Variants in PDE10A observed in about 807,000 individuals in gnomAD.
PDE10A encodes cAMP and cAMP-inhibited cGMP 3',5'-cyclic phosphodiesterase 10A.
A neutral mutation model predicts 97.7 loss-of-function variants in PDE10A; 39 were observed. The ratio of observed to expected loss-of-function variants is 0.40; its 90% CI spans 0.31 to 0.52. The LOEUF (loss-of-function observed/expected upper bound fraction) is 0.52. PDE10A is among the 20% of genes least tolerant of loss of function. The pLI is 0.56. For missense variants in PDE10A, 731 were observed against 1,047.8 expected, an observed-to-expected ratio of 0.70 and a Z score of 4.17; for synonymous variants, 371 against 376.8, an observed-to-expected ratio of 0.98 and a Z score of 0.18.
At chr6:165,800,254 T>G (rs558149762) in intron 1 of PDE10A, among the ~76,000 whole-genome samples, 2 of 152,336 alleles carry the variant, frequency 1.3e-5, no homozygotes, top group East Asian at 1.9e-4. Context: ...GTTCTTTTCA[T>G]GATGATTGTT....
intron 1 of PDE10A, among the ~76,000 whole-genome samples, chr6:165,943,254 G>GAAAGAAA (rs1562809863): frequency 1.4e-5 from 1 of 71,732 alleles, no homozygotes; most frequent in African/African-American, 7.6e-5. Context: ...AAGGAAGGAA[G>GAAAGAAA]GAAGGAAGGA....
intron 3 of PDE10A, among the ~76,000 whole-genome samples, chr6:165,481,029 C>T (rs1779577902): frequency 6.6e-6 from 1 of 152,148 alleles, no homozygotes; most frequent in Non-Finnish European, 1.5e-5. Flanking sequence ...CATAAAGTTT[C>T]ATCATTTTTT....
intron 1 of PDE10A, among the ~76,000 whole-genome samples, chr6:165,851,606 T>C (rs1457836141): frequency 6.6e-6 from 1 of 152,164 alleles, no homozygotes; most frequent in Non-Finnish European, 1.5e-5. Flanking sequence ...TAGATTACTT[T>C]GGGTGTTCAG....
chr6:165,597,975 A>T (rs1219572896), intron 1 of PDE10A, among the ~76,000 whole-genome samples: 1 of 152,234 alleles, frequency 6.6e-6, no homozygotes, highest in African/African-American at 2.4e-5. Context: ...CTTGTGAACG[A>T]AACAGGGCAA....
intron 1 of PDE10A, chr6:165,894,198 C>T (rs776920142): frequency 9.4e-5 from 39 of 414,578 alleles, no homozygotes; most frequent in Non-Finnish European, 1.7e-4. Context: ...GAGTGCTTTC[C>T]GAAGGAGAGC....
intron 1 of PDE10A, among the ~76,000 whole-genome samples, chr6:165,799,658 GTCT>G (rs1380164661): frequency 6.6e-6 from 1 of 152,064 alleles, no homozygotes; most frequent in Non-Finnish European, 1.5e-5. Context: ...GTTTCCAATC[GTCT>G]TCTTAAGTAG....
intron 18 of PDE10A, among the ~76,000 whole-genome samples, chr6:165,362,719 G>A (rs961074743): frequency 6.6e-6 from 1 of 152,068 alleles, no homozygotes; most frequent in Admixed American, 6.5e-5. Context: ...AATTCCATGA[G>A]GCCAGTGTTA....
chr6:165,864,041 G>A (rs1215421607), intron 1 of PDE10A, among the ~76,000 whole-genome samples: 1 of 152,194 alleles, frequency 6.6e-6, no homozygotes, highest in African/African-American at 2.4e-5. Flanking sequence ...GGCTGTGGGA[G>A]CGTAGGTTGG....
intron 2 of PDE10A, among the ~76,000 whole-genome samples, chr6:165,532,472 G>C (rs1293846943): frequency 6.6e-6 from 1 of 151,940 alleles, no homozygotes; most frequent in Admixed American, 6.6e-5. Context: ...TAAAAGGAAA[G>C]GGCAATGTAC....
At chr6:165,769,718 C>T (rs754475999) in intron 1 of PDE10A, among the ~76,000 whole-genome samples, 1 of 152,100 alleles carries the variant, frequency 6.6e-6, no homozygotes, top group Non-Finnish European at 1.5e-5. Flanking sequence ...AACAAAGGCA[C>T]GCATCTGACA....
intron 13 of PDE10A, among the ~76,000 whole-genome samples, chr6:165,405,077 G>A (rs1488196872): frequency 1.6e-5 from 2 of 127,348 alleles, no homozygotes; most frequent in Non-Finnish European, 3.4e-5. Context: ...AAAGCACTGG[G>A]AACAAATTAA....
At position 165,971,342 on chromosome 6, in the gene PDE10A, C is replaced by T. The variant is rs141690894; in HGVS notation, c.-615+16187G>A. Among the ~76,000 whole-genome samples, 183 of 152,286 alleles carry T rather than the reference C, an allele frequency of 1.2e-3. 1 individual carries two copies. The highest frequency in any genetic ancestry group is 2.7e-3 in the Admixed American group (42 of 15,300). ...CCATCCATGATTCAATTCAGTCAAG[C>T]TTAGGAGAAATGATTCACTCCCTTC... On this transcript the variant is annotated intron_variant, in intron 1 of 19. Transcript: ENST00000366882.
At chr6:165,643,181 G>A (rs191658133) in intron 1 of PDE10A, among the ~76,000 whole-genome samples, 33 of 152,110 alleles carry the variant, frequency 2.2e-4, no homozygotes, top group Admixed American at 4.6e-4. Context: ...GTGGGTAGAT[G>A]TATGGGTGGA....
chr6:165,647,551 T>C (rs899392185), intron 1 of PDE10A, among the ~76,000 whole-genome samples: 2 of 152,122 alleles, frequency 1.3e-5, no homozygotes, highest in African/African-American at 4.8e-5. Context: ...TAGTTCTTTT[T>C]CCAAAAATTC....
intron 1 of PDE10A, among the ~76,000 whole-genome samples, chr6:165,868,850 C>G (rs777602413): frequency 1.5e-5 from 2 of 132,682 alleles, no homozygotes; most frequent in Non-Finnish European, 3.2e-5. Context: ...CCCAGGGATG[C>G]GAGGATGGTT....
chr6:165,675,486 A>G (rs1168452613), intron 1 of PDE10A, among the ~76,000 whole-genome samples: 2 of 152,222 alleles, frequency 1.3e-5, no homozygotes, highest in Admixed American at 6.5e-5. Flanking sequence ...TTTTTCATAG[A>G]AGACTTGTGT....
intron 1 of PDE10A, among the ~76,000 whole-genome samples, chr6:165,619,439 GTAGTA>G (rs1217314980): frequency 5.2e-4 from 8 of 15,458 alleles, no homozygotes; most frequent in East Asian, 4.6e-3. Context: ...ATAGTGTAGT[GTAGTA>G]TAGTCTAGTG....
upstream of PDE10A, among the ~76,000 whole-genome samples, chr6:165,664,609 G>A (rs1232835264): frequency 6.6e-6 from 1 of 152,030 alleles, no homozygotes; most frequent in Non-Finnish European, 1.5e-5. Context: ...GAATTTTTTC[G>A]GCAAAGAAAA....
chr6:165,695,576 A>G, intron 1 of PDE10A, among the ~76,000 whole-genome samples: 1 of 152,272 alleles, frequency 6.6e-6, no homozygotes, highest in East Asian at 1.9e-4. Context: ...AGTGTGGTGA[A>G]AAAGTTGGGA....
Sources: gnomAD v4.1 joint callset for allele counts (sites outside exome capture counted in the v4.1 genomes callset) on GRCh38, gnomAD v4.1.1 for gene constraint, MANE v1.5 for transcripts, NCBI Gene and HGNC (gene_info 2026-07-23, HGNC 2026-07-21) for gene names.